FRMD4A: variants seen among roughly 807,000 people sequenced by gnomAD.
FRMD4A encodes the protein FERM domain containing 4A, also known as FERM domain-containing protein 4A.
FRMD4A carries 29 observed loss-of-function variants against 129.1 expected under a neutral mutation model. That is an observed-to-expected ratio of 0.22 (90% CI 0.17 to 0.31). The LOEUF is 0.31. Among genes scored for constraint, FRMD4A ranks in the 10% least tolerant of loss-of-function variants. The pLI, the probability that FRMD4A is intolerant of heterozygous loss-of-function variation, is 1.00. For missense variants in FRMD4A, 1,272 were observed against 1,375.8 expected, an observed-to-expected ratio of 0.92 and a Z score of 1.19; for synonymous variants, 634 against 571.6, an observed-to-expected ratio of 1.11 and a Z score of -1.56.
intron 2 of FRMD4A, chr10:13,866,217 A>G: frequency 1.4e-6 from 1 of 722,740 alleles, no homozygotes; most frequent in Non-Finnish European, 1.7e-6. Context: ...GTCATCAGAC[A>G]GAAAATTTAG....
chr10:13,931,089 C>G (rs2095189607), intron 2 of FRMD4A, among the ~76,000 whole-genome samples: 1 of 152,196 alleles, frequency 6.6e-6, no homozygotes, highest in Non-Finnish European at 1.5e-5. Flanking sequence ...CTCACTTCAG[C>G]CTCCCAAAGC....
chr10:13,885,996 C>T (rs1283661705), intron 2 of FRMD4A, among the ~76,000 whole-genome samples: 1 of 152,122 alleles, frequency 6.6e-6, no homozygotes, highest in Non-Finnish European at 1.5e-5. Context: ...GATGGGCAAG[C>T]CAGCGCTAGA....
At chr10:13,867,900 T>A (rs1334683399) in intron 2 of FRMD4A, among the ~76,000 whole-genome samples, 3 of 141,374 alleles carry the variant, frequency 2.1e-5, no homozygotes, top group Non-Finnish European at 4.5e-5. Context: ...ATACAATAAA[T>A]AATATATATA....
chr10:14,126,772 C>T (rs12248809), intron 2 of FRMD4A, among the ~76,000 whole-genome samples: 11,271 of 152,072 alleles, frequency 0.074, 599 homozygotes, highest in African/African-American at 0.14. Context: ...AAATGTGGGT[C>T]TTATAGGAAG....
chr10:14,224,496 A>C (rs1843370482), intron 2 of FRMD4A, among the ~76,000 whole-genome samples: 1 of 152,250 alleles, frequency 6.6e-6, no homozygotes, highest in African/African-American at 2.4e-5. Flanking sequence ...GGTCCCAGCC[A>C]ATTAAAAGGC....
At position 13,727,592 on chromosome 10, in the gene FRMD4A, T is replaced by G. The variant is rs150897309; in HGVS notation, c.759+10252A>C. Among the ~76,000 whole-genome samples, 129 of 152,200 alleles carry G rather than the reference T, an allele frequency of 8.5e-4. 1 individual carries two copies. The East Asian group carries it at 0.02, about 23-fold the overall frequency. On this transcript the variant is annotated intron_variant, in intron 12 of 24. Coordinates refer to ENST00000357447, the MANE Select transcript of FRMD4A (RefSeq NM_018027.5). ...GGTTCTGCTTCCTTTACTTTACCAT[T>G]TGTTGTTAGTCCAGGGCACACCCCA...
At chr10:13,903,758 C>T (rs547858522) in intron 2 of FRMD4A, among the ~76,000 whole-genome samples, 1 of 151,862 alleles carries the variant, frequency 6.6e-6, no homozygotes, top group South Asian at 2.1e-4. Context: ...TGACATGTGC[C>T]TGTGGTCCCA....
chr10:13,862,126 A>T (rs914271251), intron 2 of FRMD4A, among the ~76,000 whole-genome samples: 2 of 152,092 alleles, frequency 1.3e-5, no homozygotes. Flanking sequence ...GATTTGAGAA[A>T]AGTCTCGACA....
chr10:13,953,866 T>A (rs113115045), intron 2 of FRMD4A, among the ~76,000 whole-genome samples: 5,493 of 152,308 alleles, frequency 0.036, 133 homozygotes, highest in South Asian at 0.079. Context: ...CCCTCAAGGA[T>A]AAGGGTAGAC....
intron 4 of FRMD4A, among the ~76,000 whole-genome samples, chr10:13,800,307 T>C (rs1178384390): frequency 6.6e-6 from 1 of 152,230 alleles, no homozygotes; most frequent in East Asian, 1.9e-4. Context: ...AAAAGAAGTA[T>C]TTGCTCATTG....
chr10:14,171,182 CA>C (rs1554775810), intron 2 of FRMD4A, among the ~76,000 whole-genome samples: 1 of 152,130 alleles, frequency 6.6e-6, no homozygotes, highest in Non-Finnish European at 1.5e-5. Flanking sequence ...CCTTTACTCT[CA>C]TAGAAGAAAC....
intron 12 of FRMD4A, among the ~76,000 whole-genome samples, chr10:13,734,616 C>T (rs2090515719): frequency 2.0e-5 from 3 of 151,662 alleles, no homozygotes; most frequent in Admixed American, 2.0e-4. Context: ...GAAGACCCCA[C>T]TCACTCTCTG....
chr10:14,064,361 A>C (rs908411805), intron 2 of FRMD4A, among the ~76,000 whole-genome samples: 5 of 152,216 alleles, frequency 3.3e-5, no homozygotes, highest in African/African-American at 1.2e-4. Flanking sequence ...CAGTAGTCTC[A>C]GAAATATTTC....
At chr10:14,136,696 G>A (rs1839554107) in intron 2 of FRMD4A, among the ~76,000 whole-genome samples, 1 of 150,610 alleles carries the variant, frequency 6.6e-6, no homozygotes, top group Non-Finnish European at 1.5e-5. Flanking sequence ...CAGTTGTCTC[G>A]CCTTTCCTGG....
intron 2 of FRMD4A, among the ~76,000 whole-genome samples, chr10:14,176,531 A>G (rs964656252): frequency 4.5e-5 from 6 of 134,194 alleles, no homozygotes; most frequent in Admixed American, 2.6e-4. Context: ...CTGGAGTGCA[A>G]TGGCGCAATC....
intron 2 of FRMD4A, among the ~76,000 whole-genome samples, chr10:14,282,088 T>TCC (rs1224203781): frequency 1.3e-5 from 2 of 152,164 alleles, no homozygotes; most frequent in Admixed American, 6.5e-5. Context: ...AAGGGGTTTT[T>TCC]CGTTATAAAA....
At chr10:13,839,896 C>A (rs983400495) in intron 3 of FRMD4A, among the ~76,000 whole-genome samples, 2 of 152,208 alleles carry the variant, frequency 1.3e-5, no homozygotes, top group African/African-American at 4.8e-5. Flanking sequence ...CAGAGCAGAG[C>A]AGACCATTCC....
At chr10:14,143,872 GTGC>G (rs1210130498) in intron 2 of FRMD4A, among the ~76,000 whole-genome samples, 1 of 152,054 alleles carries the variant, frequency 6.6e-6, no homozygotes, top group Non-Finnish European at 1.5e-5. Flanking sequence ...GCCTCCCAAA[GTGC>G]TGAGATTACA....
At chr10:14,023,797 A>G (rs936509775) in intron 2 of FRMD4A, among the ~76,000 whole-genome samples, 4 of 152,218 alleles carry the variant, frequency 2.6e-5, no homozygotes, top group Admixed American at 2.0e-4. Context: ...TCTTTAGCAG[A>G]GAATCTCTCA....
Sources: gnomAD v4.1 joint callset for allele counts (sites outside exome capture counted in the v4.1 genomes callset) on GRCh38, gnomAD v4.1.1 for gene constraint, MANE v1.5 for transcripts, NCBI Gene and HGNC (gene_info 2026-07-23, HGNC 2026-07-21) for gene names.